The following PDE11A variants were observed in gnomAD, a reference collection of about 807,000 sequenced individuals.
The protein encoded by PDE11A is dual 3',5'-cyclic-AMP and -GMP phosphodiesterase 11A.
A neutral mutation model predicts 100.5 loss-of-function variants in PDE11A; 100 were observed. That is an observed-to-expected ratio of 1.00 (90% confidence interval 0.85 to 1.18). PDE11A has a LOEUF of 1.18. Ranked by LOEUF, PDE11A falls within the 50% of genes most tolerant of loss-of-function variation. PDE11A has a pLI of 0.00. For missense variants in PDE11A, 1,141 were observed against 1,152.6 expected (o/e 0.99, Z 0.15); for synonymous variants, 381 against 420.8 (o/e 0.91, Z 1.16).
chr2:177,672,109 C>G (rs566514479), intron 17 of PDE11A, among the ~76,000 whole-genome samples: 1 of 152,278 alleles, frequency 6.6e-6, no homozygotes, highest in East Asian at 1.9e-4. Context: ...TCCCTGCAGT[C>G]TACTCACCAA....
chr2:178,014,332 T>C lies in PDE11A; in HGVS notation c.1041A>G (p.Glu347=). 1 of 1,612,586 alleles carries C rather than the reference T, an allele frequency of 6.2e-7. No individual in the cohort carries two copies. Among genetic ancestry groups the C allele is most frequent in the Non-Finnish European group, 8.5e-7 (1 of 1,178,670 alleles). Residue 347 remains glutamate, a synonymous_variant, in exon 2 of 20, where the codon GAA becomes GAG. Coordinates refer to ENST00000286063, the MANE Select transcript of PDE11A (RefSeq NM_016953.4). Reference sequence around the variant, plus strand: ...CATCATCTTCAGTAAATGGAGCTCCTTCAGGAATCTTATTTATCGCTTGGG... The same window carrying C: ...CATCATCTTCAGTAAATGGAGCTCCCTCAGGAATCTTATTTATCGCTTGGG... ...GVAQAINKIP[E]GAPFTEDDEK... is the part of the protein sequence containing the mutation.
intron 19 of PDE11A, among the ~76,000 whole-genome samples, chr2:177,655,693 C>A (rs2080371235): frequency 6.6e-6 from 1 of 152,110 alleles, no homozygotes; most frequent in African/African-American, 2.4e-5. Flanking sequence ...TACACACCAC[C>A]ATGCCTGGCT....
intron 1 of PDE11A, among the ~76,000 whole-genome samples, chr2:178,042,870 G>T (rs1171318917): frequency 2.6e-5 from 4 of 152,292 alleles, no homozygotes; most frequent in Non-Finnish European, 5.9e-5. Flanking sequence ...CCAAGGCATT[G>T]CTTATTGCTG....
intron 19 of PDE11A, among the ~76,000 whole-genome samples, chr2:177,633,605 A>G (rs2079989585): frequency 6.6e-6 from 1 of 152,262 alleles, no homozygotes; most frequent in African/African-American, 2.4e-5. Context: ...AATAAAACAA[A>G]GCAACATTGT....
At chr2:177,849,004 C>G (rs1253067192) in intron 5 of PDE11A, among the ~76,000 whole-genome samples, 1 of 152,202 alleles carries the variant, frequency 6.6e-6, no homozygotes, top group South Asian at 2.1e-4. Context: ...TTTCTCTTCT[C>G]AACATAACAG....
At chr2:177,700,764 G>C (rs866656288) in intron 14 of PDE11A, among the ~76,000 whole-genome samples, 1 of 152,132 alleles carries the variant, frequency 6.6e-6, no homozygotes, top group Admixed American at 6.6e-5. Context: ...TTACCAAATG[G>C]GAATGTTGGG....
At chr2:177,971,276 T>C (rs1173530183) in intron 2 of PDE11A, among the ~76,000 whole-genome samples, 1 of 152,214 alleles carries the variant, frequency 6.6e-6, no homozygotes, top group African/African-American at 2.4e-5. Context: ...ATATTTACTT[T>C]TCCTTTTCTT....
At chr2:177,640,884 G>A (rs947461219) in intron 19 of PDE11A, among the ~76,000 whole-genome samples, 5 of 152,176 alleles carry the variant, frequency 3.3e-5, no homozygotes, top group African/African-American at 1.2e-4. Context: ...GGTCATCCAT[G>A]ACATCTTCCT....
At chr2:178,102,376 C>T (rs1574399596) in intron 2 of PDE11A, among the ~76,000 whole-genome samples, 1 of 151,214 alleles carries the variant, frequency 6.6e-6, no homozygotes. Flanking sequence ...CTGCCAACCT[C>T]GGCCTCCCAA....
intron 15 of PDE11A, among the ~76,000 whole-genome samples, chr2:177,694,351 G>C (rs770315289): frequency 1.3e-5 from 2 of 152,266 alleles, no homozygotes; most frequent in East Asian, 3.9e-4. Context: ...ACAAGATCCT[G>C]CAAGTGTCAG....
At chr2:177,979,637 GTCTC>G (rs2085855826) in intron 2 of PDE11A, among the ~76,000 whole-genome samples, 1 of 69,860 alleles carries the variant, frequency 1.4e-5, no homozygotes, top group African/African-American at 9.2e-5. Flanking sequence ...TTGAGACAGA[GTCTC>G]ACTCTGTCGC....
chr2:177,728,153 A>G lies in PDE11A; in HGVS notation c.1808T>C (p.Val603Ala), dbSNP rs759516692. 1 of 1,613,396 alleles carries G rather than the reference A, an allele frequency of 6.2e-7. No homozygotes were observed. Among genetic ancestry groups the G allele is most frequent in the Non-Finnish European group, 8.5e-7 (1 of 1,179,544 alleles). Residue 603 changes from valine (V) to alanine (A), a missense_variant, in exon 11 of 20, where the codon GTG becomes GCG. Physicochemically the swap from Val to Ala is moderately conservative, Grantham distance 64 (BLOSUM62 0). Coordinates refer to ENST00000286063, the MANE Select transcript of PDE11A (RefSeq NM_016953.4). Reference protein sequence around the residue: ...DKFKAANIPLVSELAIDDIHF... With the variant: ...DKFKAANIPLASELAIDDIHF... The stretch of plus-strand genomic sequence containing the variant: ...AATGTCATCGATGGCAAGTTCTGAC[A>G]CCAGAGGGATGTTGGCTGCCTAGAA...
chr2:177,904,098 T>A (rs1022316813), intron 3 of PDE11A, among the ~76,000 whole-genome samples: 6 of 152,216 alleles, frequency 3.9e-5, no homozygotes, highest in African/African-American at 1.4e-4. Context: ...TTTTTGAACA[T>A]CGTTTTGTTA....
intron 2 of PDE11A, among the ~76,000 whole-genome samples, chr2:177,977,054 G>A (rs370780866): frequency 2.3e-4 from 4 of 17,266 alleles, no homozygotes; most frequent in South Asian, 2.4e-3. Flanking sequence ...CTCTCTCACC[G>A]CTCCTATTCA....
At chr2:178,078,132 T>C (rs1464476897) in intron 2 of PDE11A, among the ~76,000 whole-genome samples, 3 of 151,914 alleles carry the variant, frequency 2.0e-5, no homozygotes, top group Non-Finnish European at 4.4e-5. Context: ...TCTCCAAGCA[T>C]TCTCCCCTTC....
At chr2:177,966,076 C>G (rs2105793142) in intron 2 of PDE11A, among the ~76,000 whole-genome samples, 1 of 152,164 alleles carries the variant, frequency 6.6e-6, no homozygotes, top group East Asian at 1.9e-4. Flanking sequence ...TTTTACCTCC[C>G]TAGACAGCTG....
At chr2:177,945,855 C>T (rs889587219) in intron 2 of PDE11A, among the ~76,000 whole-genome samples, 143 of 115,328 alleles carry the variant, frequency 1.2e-3, no homozygotes, top group African/African-American at 3.4e-3. Context: ...CCTGGCCAGC[C>T]GTGCCGTCCG....
At chr2:177,997,651 T>C in intron 2 of PDE11A, 2 of 1,508,934 alleles carry the variant, frequency 1.3e-6, no homozygotes, top group Non-Finnish European at 1.8e-6. Context: ...CAGCCTGATT[T>C]TGAAATCTTT....
exon 1 of PDE11A, chr2:178,108,302 G>A (rs12989778): frequency 0.069 from 10,457 of 152,334 alleles, 482 homozygotes; most frequent in Non-Finnish European, 0.1. Flanking sequence ...CGAGGCTGGC[G>A]ATCCAGAAAG....
Sources: allele counts gnomAD v4.1 joint callset (sites outside exome capture counted in the v4.1 genomes callset), GRCh38; gene constraint gnomAD v4.1.1; transcripts MANE v1.5; gene names NCBI Gene and HGNC (gene_info 2026-07-23, HGNC 2026-07-21).